PRPF31: variants seen among roughly 807,000 people sequenced by gnomAD.
The protein encoded by PRPF31 is pre-mRNA processing factor 31.
A neutral mutation model predicts 60.4 loss-of-function variants in PRPF31; 12 were observed. The ratio of observed to expected loss-of-function variants is 0.20; its 90% CI spans 0.13 to 0.32. The LOEUF (loss-of-function observed/expected upper bound fraction) is 0.32. PRPF31 is among the 10% of genes least tolerant of loss of function. The pLI, the probability that PRPF31 is intolerant of heterozygous loss-of-function variation, is 1.00. For synonymous variants in PRPF31, 287 were observed against 287.9 expected (o/e 1.00, Z 0.03); for missense variants, 431 against 687.1 (o/e 0.63, Z 4.17).
At chr19:54,121,020 G>A (rs1006486374) in intron 3 of PRPF31, among the ~76,000 whole-genome samples, 5 of 152,250 alleles carry the variant, frequency 3.3e-5, no homozygotes, top group South Asian at 2.1e-4. Context: ...GGTCTGGCGC[G>A]GTGGCTCACG....
chr19:54,124,421 C>T (rs1442600637), intron 7 of PRPF31, 78 bp from the exon 8 acceptor site: 3 of 1,271,878 alleles, frequency 2.4e-6, no homozygotes, highest in Admixed American at 1.7e-5. Context: ...ACACGTCGAG[C>T]CCCCAGGCAG....
At chr19:54,118,056 G>A (rs1256387037) in intron 1 of PRPF31, among the ~76,000 whole-genome samples, 1 of 152,210 alleles carries the variant, frequency 6.6e-6, no homozygotes, top group Non-Finnish European at 1.5e-5. Flanking sequence ...GTCTTAGCAA[G>A]GTGGCGGTCA....
intron 3 of PRPF31, among the ~76,000 whole-genome samples, chr19:54,119,333 G>A (rs2073730832): frequency 6.6e-6 from 1 of 151,012 alleles, no homozygotes; most frequent in Non-Finnish European, 1.5e-5. Context: ...AGTGAGCCGA[G>A]ATCGTGCCAC....
rs2073805491 is a variant in PRPF31 at position 54,122,082 on chromosome 19, G to A, written c.322+139G>A. 1.1e-5 allele frequency: 10 copies of A among 913,590 alleles called. No homozygotes were observed. The South Asian group carries it at 1.4e-4, about 13-fold the overall frequency. 56.6% of individuals were successfully genotyped at this position (913,590 alleles called of 1,614,324 possible). Reference sequence around the variant, plus strand: ...GTTGACCTGCTGTCACAGAGTGGCTGAAATAAGAAGGAAGTGCGTTCTCTC... The same window carrying A: ...GTTGACCTGCTGTCACAGAGTGGCTAAAATAAGAAGGAAGTGCGTTCTCTC... On this transcript the variant is annotated intron_variant, in intron 4 of 13. Transcript: ENST00000321030.
chr19:54,125,682 C>G (rs750657973), intron 8 of PRPF31, among the ~76,000 whole-genome samples: 13 of 152,302 alleles, frequency 8.5e-5, no homozygotes, highest in African/African-American at 3.1e-4. Context: ...GCCCCACCCC[C>G]CAGCCCTGTG....
At chr19:54,122,065 G>A (rs1307535967) in intron 4 of PRPF31, 122 bp downstream of exon 4, 2 of 1,032,872 alleles carry the variant, frequency 1.9e-6, no homozygotes, top group East Asian at 5.2e-5. Flanking sequence ...AGGTTGACCT[G>A]CTGTCACAGA....
At chr19:54,122,854 A>T in intron 5 of PRPF31, 2 of 588,748 alleles carry the variant, frequency 3.4e-6, no homozygotes, top group Non-Finnish European at 6.1e-6. Context: ...AGCCGGTGGC[A>T]TTGGAGTTGA....
At chr19:54,121,683 G>T (rs1447300347) in intron 3 of PRPF31, among the ~76,000 whole-genome samples, 177 bp from the exon 4 acceptor site, 2 of 152,158 alleles carry the variant, frequency 1.3e-5, no homozygotes, top group Non-Finnish European at 2.9e-5. Context: ...GAGGGAGAGG[G>T]ATTGAAGGCA....
At chr19:54,124,684 C>A in intron 8 of PRPF31, 28 bp downstream of exon 8, 2 of 1,607,534 alleles carry the variant, frequency 1.2e-6, no homozygotes, top group Non-Finnish European at 1.7e-6. Flanking sequence ...TGGCCCCTCC[C>A]CCGGCCCCCC....
At chr19:54,128,512 C>CCA (rs2073978119) in intron 11 of PRPF31, 135 bp downstream of exon 11, 1 of 929,798 alleles carries the variant, frequency 1.1e-6, no homozygotes, top group Non-Finnish European at 1.7e-6. Flanking sequence ...TCCCCCCCCC[C>CCA]GGCCTCTATT....
chr19:54,126,595 T>C lies in PRPF31; in HGVS notation c.923T>C (p.Phe308Ser), dbSNP rs587728623. 1 of 1,613,794 alleles carries C rather than the reference T, an allele frequency of 6.2e-7. No homozygotes were observed. Among genetic ancestry groups the C allele is most frequent in the African/African-American group, 1.3e-5 (1 of 75,060 alleles). The change falls in exon 9 of 14, where the codon TTC becomes TCC. Residue 308 changes from phenylalanine to serine, a missense_variant. This residue lies in a region of PRPF31 where 314 missense variants were observed against 475.3 expected (regional missense o/e 0.66). Coordinates refer to ENST00000321030, the MANE Select transcript of PRPF31 (RefSeq NM_015629.4). Reference sequence around the variant, plus strand: ...ACACTGGCAGCCCGTGTGGACAGTTTCCACGAGAGCACAGAAGGGAAGGTG... The same window carrying C: ...ACACTGGCAGCCCGTGTGGACAGTTCCCACGAGAGCACAGAAGGGAAGGTG... ...KCTLAARVDS[F>S]HESTEGKVGY... is the part of the protein sequence containing the mutation.
intron 1 of PRPF31, among the ~76,000 whole-genome samples, chr19:54,116,287 C>T (rs1393295623): frequency 6.6e-6 from 1 of 151,846 alleles, no homozygotes; most frequent in Non-Finnish European, 1.5e-5. Flanking sequence ...TCACTGCAAC[C>T]TCCGCCTCCC....
At chr19:54,123,050 G>T in intron 5 of PRPF31, 1 of 449,364 alleles carries the variant, frequency 2.2e-6, no homozygotes, top group South Asian at 2.2e-5. Context: ...CGGAAAAGAG[G>T]GGCAGGTGTG....
At chr19:54,129,550 G>A (rs587634168) in intron 13 of PRPF31, among the ~76,000 whole-genome samples, 180 bp downstream of exon 13, 4 of 148,826 alleles carry the variant, frequency 2.7e-5, no homozygotes, top group Admixed American at 1.4e-4. Context: ...TAGCAGAGAC[G>A]AGAGCCCAGC....
At chr19:54,124,414 C>T (rs2073868378) in intron 7 of PRPF31, 85 bp from the exon 8 acceptor site, 24 of 1,224,714 alleles carry the variant, frequency 2.0e-5, no homozygotes, top group Non-Finnish European at 2.5e-5. Flanking sequence ...GCCCAGCACA[C>T]GTCGAGCCCC....
intron 3 of PRPF31, among the ~76,000 whole-genome samples, chr19:54,119,075 T>C (rs587680883): frequency 6.6e-6 from 1 of 152,250 alleles, no homozygotes; most frequent in African/African-American, 2.4e-5. Flanking sequence ...TAAAAATAGA[T>C]ATATAATTAT....
In PRPF31 at chr19:54,118,640, C is replaced by T. The variant is rs748664731; in HGVS notation, c.238+7C>T. ...CAAGCCAAAGCTTCAGAAGGTGCTT[C>T]CTCCCACTCTGTGCCCCTCCCCATC... On this transcript the variant is annotated splice_region_variant and intron_variant, in intron 3 of 13. Coordinates refer to ENST00000321030, the MANE Select transcript of PRPF31 (RefSeq NM_015629.4). The T allele has an allele frequency of 1.9e-6, 3 of 1,613,878 alleles. No homozygotes were observed. The South Asian group carries it at 3.3e-5, about 18-fold the overall frequency.
chr19:54,131,190 T>C (rs2074040445), intron 13 of PRPF31, 117 bp from the exon 14 acceptor site: 1 of 1,429,578 alleles, frequency 7.0e-7, no homozygotes, highest in Admixed American at 1.7e-5. Flanking sequence ...ACAGGCAAAC[T>C]GTCTCATGCC....
chr19:54,129,399 A>T (rs373566124), intron 13 of PRPF31, 29 bp downstream of exon 13: 1 of 1,563,430 alleles, frequency 6.4e-7, no homozygotes, highest in Non-Finnish European at 8.7e-7. Flanking sequence ...CTCTGTCCCC[A>T]GCCCTGAGAC....
Sources: gnomAD v4.1 joint callset for allele counts (sites outside exome capture counted in the v4.1 genomes callset) on GRCh38, gnomAD v4.1.1 for gene constraint, gnomAD v4.1.1 regional missense constraint, MANE v1.5 for transcripts, NCBI Gene and HGNC (gene_info 2026-07-23, HGNC 2026-07-21) for gene names.